Variants in NCKAP5 observed in about 807,000 individuals in gnomAD.
The protein encoded by NCKAP5 is NCK associated protein 5, also known as nck-associated protein 5.
NCKAP5 carries 92 observed loss-of-function variants against 167.0 expected under a neutral mutation model. That is an observed-to-expected ratio of 0.55 (90% CI 0.47 to 0.66). The LOEUF is 0.66. Among genes scored for constraint, NCKAP5 ranks in the 30% least tolerant of loss-of-function variants. The pLI is 0.00. For missense variants in NCKAP5, 2,378 were observed against 2,315.0 expected (o/e 1.03, Z -0.56); for synonymous variants, 891 against 877.4 (o/e 1.02, Z -0.27).
chr2:132,917,295 T>TA, intron 8 of NCKAP5, among the ~76,000 whole-genome samples: 1 of 152,290 alleles, frequency 6.6e-6, no homozygotes, highest in Middle Eastern at 3.4e-3. Flanking sequence ...AAATGATTTT[T>TA]AAAAAACTTT....
At chr2:133,068,105 A>G (rs1294529614) in intron 6 of NCKAP5, among the ~76,000 whole-genome samples, 3 of 152,062 alleles carry the variant, frequency 2.0e-5, no homozygotes, top group Non-Finnish European at 4.4e-5. Context: ...TGAAGGGGAG[A>G]GGTCTGATGG....
the NCKAP5 span, among the ~76,000 whole-genome samples, chr2:133,622,260 A>G: frequency 6.6e-6 from 1 of 151,846 alleles, no homozygotes; most frequent in South Asian, 2.1e-4. Context: ...CTTTTATTCA[A>G]CTTAGTACTG....
chr2:133,231,693 A>G (rs1181107823), intron 4 of NCKAP5, among the ~76,000 whole-genome samples: 5 of 152,224 alleles, frequency 3.3e-5, no homozygotes, highest in Non-Finnish European at 1.5e-5. Context: ...CATCAAAAAA[A>G]AAATACTAAC....
chr2:132,761,433 C>T (rs1360190507), intron 16 of NCKAP5, among the ~76,000 whole-genome samples: 3 of 152,368 alleles, frequency 2.0e-5, no homozygotes, highest in Admixed American at 1.3e-4. Context: ...GCGCATGCCC[C>T]ATGGGCAAAT....
rs538567968 is a variant in NCKAP5 at position 132,916,300 on chromosome 2, C to T, written c.580-37384G>A. On this transcript the variant is annotated intron_variant, in intron 8 of 19. Coordinates refer to ENST00000409261, the MANE Select transcript of NCKAP5 (RefSeq NM_207363.3). ...ATTTATGATCGAATGTGACAGAGGGCGTTAGCTGGATGAGTAACTGGGACT... is the reference window on the plus strand; with the variant it reads ...ATTTATGATCGAATGTGACAGAGGGTGTTAGCTGGATGAGTAACTGGGACT... Among the ~76,000 whole-genome samples, 20 of 152,092 alleles carry T rather than the reference C, an allele frequency of 1.3e-4. 1 individual carries two copies. In the South Asian group the frequency reaches 1.5e-3, roughly 11 times the overall value.
chr2:133,081,240 T>C (rs893724231), intron 6 of NCKAP5, among the ~76,000 whole-genome samples: 1 of 152,302 alleles, frequency 6.6e-6, no homozygotes, highest in East Asian at 1.9e-4. Context: ...ACAGTGCATA[T>C]TATCTTTCAT....
At chr2:133,632,016 C>T in the NCKAP5 span, among the ~76,000 whole-genome samples, 1 of 152,304 alleles carries the variant, frequency 6.6e-6, no homozygotes, top group African/African-American at 2.4e-5. Flanking sequence ...CTAGACACAC[C>T]ACAGCCTGGT....
At chr2:133,659,566 T>C in the NCKAP5 span, among the ~76,000 whole-genome samples, 1 of 152,152 alleles carries the variant, frequency 6.6e-6, no homozygotes, top group Non-Finnish European at 1.5e-5. Flanking sequence ...AGACAAGCTA[T>C]AGAATGGGAG....
chr2:133,224,886 A>T (rs1181602207), intron 4 of NCKAP5, among the ~76,000 whole-genome samples: 1 of 152,184 alleles, frequency 6.6e-6, no homozygotes, highest in Admixed American at 6.5e-5. Flanking sequence ...TCCTTGAGAT[A>T]TATACTTCTT....
At chr2:133,080,984 C>A (rs1248347973) in intron 6 of NCKAP5, among the ~76,000 whole-genome samples, 1 of 152,026 alleles carries the variant, frequency 6.6e-6, no homozygotes, top group Non-Finnish European at 1.5e-5. Context: ...GAATGAAGAG[C>A]ATGGGCAGAA....
At chr2:133,350,175 C>G (rs2150811619) in intron 3 of NCKAP5, among the ~76,000 whole-genome samples, 1 of 152,126 alleles carries the variant, frequency 6.6e-6, no homozygotes, top group East Asian at 1.9e-4. Context: ...ACTTTGGGAG[C>G]CTGAGGTGAG....
At chr2:133,533,548 C>T (rs1264153317) in intron 2 of NCKAP5, among the ~76,000 whole-genome samples, 1 of 151,948 alleles carries the variant, frequency 6.6e-6, no homozygotes, top group Non-Finnish European at 1.5e-5. Flanking sequence ...AATATGAACA[C>T]AAAAAAACTA....
chr2:133,557,553 C>G (rs1378969231), intron 2 of NCKAP5, among the ~76,000 whole-genome samples: 1 of 152,156 alleles, frequency 6.6e-6, no homozygotes, highest in Non-Finnish European at 1.5e-5. Context: ...GAGGAACTAT[C>G]TCTACAAAAT....
chr2:132,912,215 A>C (rs1694509358), intron 8 of NCKAP5, among the ~76,000 whole-genome samples: 1 of 152,158 alleles, frequency 6.6e-6, no homozygotes, highest in Admixed American at 6.5e-5. Flanking sequence ...AAGTGAGCCA[A>C]GCTCTCGCTC....
At chr2:132,963,125 G>A (rs2076566680) in intron 8 of NCKAP5, among the ~76,000 whole-genome samples, 1 of 152,184 alleles carries the variant, frequency 6.6e-6, no homozygotes, top group Non-Finnish European at 1.5e-5. Flanking sequence ...ATTAACACTT[G>A]AAATAATGTC....
intron 5 of NCKAP5, among the ~76,000 whole-genome samples, chr2:133,185,016 T>C (rs1203076514): frequency 1.3e-5 from 2 of 152,162 alleles, no homozygotes; most frequent in Non-Finnish European, 2.9e-5. Flanking sequence ...TTTGGGGTCT[T>C]CATCTTAAAT....
intron 5 of NCKAP5, among the ~76,000 whole-genome samples, chr2:133,132,835 C>T (rs2082658319): frequency 6.6e-6 from 1 of 151,940 alleles, no homozygotes; most frequent in African/African-American, 2.4e-5. Flanking sequence ...CGCAACCACG[C>T]CCGGCTAATT....
intron 5 of NCKAP5, among the ~76,000 whole-genome samples, chr2:133,175,091 T>C (rs1224795937): frequency 2.0e-5 from 3 of 152,158 alleles, no homozygotes; most frequent in Non-Finnish European, 4.4e-5. Flanking sequence ...TCTCCATGGT[T>C]TTTAAATTTA....
intron 6 of NCKAP5, among the ~76,000 whole-genome samples, chr2:133,128,859 A>G (rs2082491879): frequency 6.6e-6 from 1 of 152,002 alleles, no homozygotes; most frequent in African/African-American, 2.4e-5. Flanking sequence ...TGGCCTTCCA[A>G]AGTCCTGGAA....
Sources: gnomAD v4.1 joint callset for allele counts (sites outside exome capture counted in the v4.1 genomes callset) on GRCh38, gnomAD v4.1.1 for gene constraint, MANE v1.5 for transcripts, NCBI Gene and HGNC (gene_info 2026-07-23, HGNC 2026-07-21) for gene names.